PGAP1: variants seen among roughly 807,000 people sequenced by gnomAD.
The protein encoded by PGAP1 is post-GPI attachment to proteins inositol deacylase 1, also known as GPI inositol-deacylase.
A neutral mutation model predicts 127.0 loss-of-function variants in PGAP1; 76 were observed. The observed-to-expected ratio is 0.60, with a 90% CI of 0.50 to 0.72. The LOEUF is 0.72. Ranked by LOEUF, PGAP1 falls within the 30% of genes least tolerant of loss-of-function variation. PGAP1 has a pLI of 0.00. For synonymous variants in PGAP1, 362 were observed against 366.5 expected (o/e 0.99, Z 0.14); for missense variants, 982 against 1,071.3 (o/e 0.92, Z 1.16).
chr2:196,875,357 T>C (rs922499908), intron 14 of PGAP1, among the ~76,000 whole-genome samples: 2 of 152,216 alleles, frequency 1.3e-5, no homozygotes, highest in Non-Finnish European at 2.9e-5. Context: ...GGAACTCTTT[T>C]GTAACTTTTC....
At chr2:196,861,942 G>C (rs547466635) in intron 20 of PGAP1, among the ~76,000 whole-genome samples, 2 of 149,832 alleles carry the variant, frequency 1.3e-5, no homozygotes, top group Admixed American at 6.7e-5. Context: ...GATGTATGTC[G>C]CCTCAGGACC....
chr2:196,924,883 A>G (rs1000427773), intron 1 of PGAP1, among the ~76,000 whole-genome samples: 13 of 152,202 alleles, frequency 8.5e-5, no homozygotes, highest in African/African-American at 3.1e-4. Flanking sequence ...ATTGTAGGAA[A>G]TCTAAAAATA....
intron 17 of PGAP1, 76 bp from the exon 18 acceptor site, chr2:196,872,625 A>G: frequency 6.0e-6 from 6 of 996,556 alleles, no homozygotes; most frequent in Non-Finnish European, 9.4e-6. Flanking sequence ...AATCCTCAGC[A>G]CAATACAACT....
At chr2:196,873,413 T>A in intron 16 of PGAP1, 115 bp downstream of exon 16, 1 of 744,942 alleles carries the variant, frequency 1.3e-6, no homozygotes, top group Non-Finnish European at 2.2e-6. Context: ...AATTTAATTT[T>A]ACTTCACATA....
intron 4 of PGAP1, among the ~76,000 whole-genome samples, chr2:196,903,179 A>G (rs998889403): frequency 3.3e-5 from 5 of 152,128 alleles, no homozygotes; most frequent in Admixed American, 2.0e-4. Context: ...AACTGTATAC[A>G]TTAAATGTAT....
At position 196,912,871 on chromosome 2, in the gene PGAP1, A is replaced by T. The variant is rs181229301; in HGVS notation, c.649+11T>A. 378 of 1,586,842 alleles carry T rather than the reference A, an allele frequency of 2.4e-4. No individual in the cohort carries two copies. The African/African-American group carries it at 4.8e-3, about 20-fold the overall frequency. The stretch of plus-strand genomic sequence containing the variant: ...CAATGGGGAGGTTAATGTTCATGTA[A>T]CAGTACTCACCTGTAATGAAACGAT... On this transcript the variant is annotated intron_variant, in intron 4 of 26. Coordinates refer to ENST00000354764, the MANE Select transcript of PGAP1 (RefSeq NM_024989.4).
At chr2:196,880,318 A>C (rs369583982) in intron 12 of PGAP1, among the ~76,000 whole-genome samples, 165 bp from the exon 13 acceptor site, 2 of 152,186 alleles carry the variant, frequency 1.3e-5, no homozygotes, top group East Asian at 3.9e-4. Flanking sequence ...TTCCAGGTCA[A>C]TAATCCTGTT....
rs944686375 is a variant in PGAP1 at position 196,847,967 on chromosome 2, A to C, written c.1932T>G (p.Ile644Met). The change falls in exon 21 of 27, where the codon ATT (isoleucine) becomes ATG (methionine). Residue 644 changes from isoleucine to methionine, a missense_variant. Transcript: ENST00000354764. ...CTTACCCCAACAGAAACTTAATGAT[A>C]ATTACAAAAGGATCAACTTTGTATG... ...AKPYKVDPFVIIIKFLLGYKW... is the reference protein window; with the variant it reads ...AKPYKVDPFVMIIKFLLGYKW... 1.6e-5 allele frequency: 26 copies of C among 1,592,288 alleles called. No homozygotes were observed. The highest frequency in any genetic ancestry group is 5.4e-5 in the Admixed American group (3 of 55,616).
intron 4 of PGAP1, among the ~76,000 whole-genome samples, chr2:196,903,919 C>G (rs1414760169): frequency 1.3e-5 from 2 of 152,118 alleles, no homozygotes; most frequent in Non-Finnish European, 2.9e-5. Flanking sequence ...CTCAGGGCTT[C>G]AAACACTGGG....
At chr2:196,886,666 T>A (rs1701919058) in intron 10 of PGAP1, among the ~76,000 whole-genome samples, 1 of 152,134 alleles carries the variant, frequency 6.6e-6, no homozygotes, top group South Asian at 2.1e-4. Context: ...GTGTTTTACT[T>A]TATCGTTTGA....
chr2:196,918,081 T>C (rs755483485), intron 2 of PGAP1, among the ~76,000 whole-genome samples: 80 of 152,208 alleles, frequency 5.3e-4, no homozygotes, highest in Non-Finnish European at 2.9e-4. Context: ...TGATGACTTA[T>C]GATGTTTTAG....
chr2:196,911,606 TAAAAAAAAAAAAAAA>T (rs56107551), intron 4 of PGAP1, among the ~76,000 whole-genome samples: 8 of 77,294 alleles, frequency 1.0e-4, no homozygotes, highest in African/African-American at 1.5e-4. Context: ...TAGAGTATAA[TAAAAAAAAAAAAAAA>T]AAAAAAAAAA....
At chr2:196,879,651 C>T (rs932012855) in intron 13 of PGAP1, among the ~76,000 whole-genome samples, 15 of 152,006 alleles carry the variant, frequency 9.9e-5, no homozygotes, top group African/African-American at 2.7e-4. Context: ...GCCAAGGTTG[C>T]GCCACTGCAC....
At chr2:196,902,551 T>C in intron 5 of PGAP1, 34 bp downstream of exon 5, 4 of 1,546,724 alleles carry the variant, frequency 2.6e-6, no homozygotes, top group Non-Finnish European at 3.5e-6. Flanking sequence ...GTCTATTACA[T>C]TACTATTTCA....
chr2:196,894,114 T>C (rs1217414196), intron 7 of PGAP1, among the ~76,000 whole-genome samples: 1 of 152,230 alleles, frequency 6.6e-6, no homozygotes, highest in Non-Finnish European at 1.5e-5. Context: ...TTAGAGCAAA[T>C]AACTGATTCC....
chr2:196,905,189 C>G (rs969330778), intron 4 of PGAP1, among the ~76,000 whole-genome samples: 1 of 152,130 alleles, frequency 6.6e-6, no homozygotes, highest in Admixed American at 6.5e-5. Context: ...TTTAAAATAT[C>G]TTTGAGTCAT....
At position 196,835,558 on chromosome 2, in the gene PGAP1, A is replaced by G. The variant is rs2125769739; in HGVS notation, c.*5676T>C. 6.6e-6 allele frequency: 1 copy of G among 152,480 alleles called. No individual in the cohort carries two copies. Among genetic ancestry groups the G allele is most frequent in the East Asian group, 1.9e-4 (1 of 5,194 alleles). 9.4% of individuals were successfully genotyped at this position (152,480 alleles called of 1,614,324 possible). A position where few individuals can be genotyped will look rare whatever the true frequency, so the allele number is the denominator to read the frequency against. On this transcript the variant is annotated 3_prime_UTR_variant, in exon 27 of 27. Coordinates refer to ENST00000354764, the MANE Select transcript of PGAP1 (RefSeq NM_024989.4). ...TAGGCTACAAATCTTGAATATTTTCAAAGAAAAATTAGGGTATGAAATATA... is the reference window on the plus strand; with the variant it reads ...TAGGCTACAAATCTTGAATATTTTCGAAGAAAAATTAGGGTATGAAATATA...
At chr2:196,886,223 C>A (rs565985703) in intron 10 of PGAP1, among the ~76,000 whole-genome samples, 1 of 146,648 alleles carries the variant, frequency 6.8e-6, no homozygotes, top group Non-Finnish European at 1.5e-5. Context: ...TACAGTGGCA[C>A]GACCTTGGCT....
chr2:196,889,378 T>C (rs933851878), intron 10 of PGAP1, among the ~76,000 whole-genome samples: 67 of 152,064 alleles, frequency 4.4e-4, no homozygotes, highest in Admixed American at 7.9e-4. Context: ...TCATCTTTTT[T>C]TAAAATATTT....
Sources: gnomAD v4.1 joint callset for allele counts (sites outside exome capture counted in the v4.1 genomes callset) on GRCh38, gnomAD v4.1.1 for gene constraint, MANE v1.5 for transcripts, NCBI Gene and HGNC (gene_info 2026-07-23, HGNC 2026-07-21) for gene names.